The following ATAD2 variants were observed in gnomAD, a reference collection of about 807,000 sequenced individuals.
The protein encoded by ATAD2 is ATPase family AAA domain-containing protein 2.
ATAD2 carries 62 observed loss-of-function variants against 168.9 expected under a neutral mutation model. The observed-to-expected ratio is 0.37, with a 90% CI of 0.30 to 0.45. The LOEUF (loss-of-function observed/expected upper bound fraction) is 0.45, where lower values mean the gene tolerates loss of function less well. ATAD2 is among the 20% of genes least tolerant of loss of function. The pLI is 1.00. For missense variants in ATAD2, 1,419 were observed against 1,667.8 expected (o/e 0.85, Z 2.60); for synonymous variants, 613 against 571.6 (o/e 1.07, Z -1.03).
chr8:123,334,075 T>C (rs534015097), intron 23 of ATAD2, 54 bp from the exon 24 acceptor site: 4 of 1,582,858 alleles, frequency 2.5e-6, no homozygotes, highest in Non-Finnish European at 3.4e-6. Flanking sequence ...CAAAATTACA[T>C]GAAGGATTAA....
At chr8:123,334,846 GATTGCTTGA>G (rs1679280265) in intron 22 of ATAD2, among the ~76,000 whole-genome samples, 1 of 152,196 alleles carries the variant, frequency 6.6e-6, no homozygotes, top group African/African-American at 2.4e-5. Context: ...GTGAATGCAG[GATTGCTTGA>G]GCCACATCAA....
intron 1 of ATAD2, among the ~76,000 whole-genome samples, chr8:123,381,765 G>A (rs1829500797): frequency 6.6e-6 from 1 of 152,144 alleles, no homozygotes. Context: ...ATAGGGCCAG[G>A]CACTGTTGCT....
chr8:123,360,555 C>A (rs1828783538), intron 9 of ATAD2, among the ~76,000 whole-genome samples: 1 of 152,094 alleles, frequency 6.6e-6, no homozygotes, highest in South Asian at 2.1e-4. Flanking sequence ...GCTGGACAGG[C>A]TGGAAGTTCC....
intron 1 of ATAD2, among the ~76,000 whole-genome samples, chr8:123,381,972 G>C (rs1003976944): frequency 6.6e-6 from 1 of 152,134 alleles, no homozygotes; most frequent in Non-Finnish European, 1.5e-5. Context: ...CTTGAACCTA[G>C]GAGGTGGAGG....
chr8:123,354,864 A>AAAAAAAAAATAT (rs1554644338), intron 13 of ATAD2, among the ~76,000 whole-genome samples: 3 of 64,714 alleles, frequency 4.6e-5, no homozygotes, highest in African/African-American at 2.6e-4. Flanking sequence ...AAAAAAAAAA[A>AAAAAAAAAATAT]ATATATATAT....
At chr8:123,396,557 C>A (rs1367610997), upstream of ATAD2, 25 of 579,964 alleles carry the variant, frequency 4.3e-5, no homozygotes, top group Non-Finnish European at 3.8e-5. Context: ...ACTCTCCTCC[C>A]ATTTGTAGAG....
chr8:123,343,328 A>G (rs970604524), intron 19 of ATAD2, among the ~76,000 whole-genome samples: 10 of 151,976 alleles, frequency 6.6e-5, no homozygotes, highest in Admixed American at 2.6e-4. Context: ...ACTGTAACCT[A>G]CCCATACTCT....
intron 8 of ATAD2, among the ~76,000 whole-genome samples, chr8:123,367,450 C>T (rs528572406): frequency 6.6e-6 from 1 of 152,166 alleles, no homozygotes; most frequent in East Asian, 1.9e-4. Context: ...AATAAGATCC[C>T]AAAGTAGCTG....
At chr8:123,395,799 T>C (rs942508768) in intron 1 of ATAD2, among the ~76,000 whole-genome samples, 1 of 151,806 alleles carries the variant, frequency 6.6e-6, no homozygotes, top group Non-Finnish European at 1.5e-5. Context: ...CAGAAAGCAG[T>C]CAGGGGATGC....
intron 3 of ATAD2, 125 bp from the exon 4 acceptor site, chr8:123,371,960 A>T: frequency 9.7e-7 from 1 of 1,025,700 alleles, no homozygotes; most frequent in Non-Finnish European, 1.3e-6. Context: ...TCTTAAACTT[A>T]GCTTTCTTAA....
At chr8:123,355,468 C>G (rs569303508) in intron 13 of ATAD2, among the ~76,000 whole-genome samples, 1 of 152,128 alleles carries the variant, frequency 6.6e-6, no homozygotes, top group Admixed American at 6.5e-5. Context: ...GGGACAATAG[C>G]ACTTGTAAAA....
rs2129886907 is a variant in ATAD2, at chr8:123,384,629, C to A, written c.172-3952G>T. Among the ~76,000 whole-genome samples the A allele has an allele frequency of 1.3e-5, 2 of 152,308 alleles. 1 individual carries two copies. The highest frequency in any genetic ancestry group is 4.1e-4 in the South Asian group (2 of 4,828). The stretch of plus-strand genomic sequence containing the variant: ...TAAGCACCCATGTGCCAGGCCCATG[C>A]AAGGCATTTTCAAGAGAACACTGTC... On this transcript the variant is annotated intron_variant, in intron 1 of 27. Transcript: ENST00000287394.
upstream of ATAD2, among the ~76,000 whole-genome samples, chr8:123,399,849 C>T (rs972196679): frequency 1.4e-5 from 2 of 146,542 alleles, no homozygotes; most frequent in Non-Finnish European, 3.0e-5. Context: ...AGCGAAACTC[C>T]ATCTCAAAAA....
chr8:123,401,090 C>G, upstream of ATAD2: 3 of 1,544,684 alleles, frequency 1.9e-6, no homozygotes, highest in Non-Finnish European at 2.7e-6. Context: ...AAGGACCACA[C>G]CACCCTCCTC....
rs532031827 is a variant in ATAD2 at position 123,370,995 on chromosome 8, A to C, written c.640-5T>G. Reference sequence around the variant, plus strand: ...TGTGTACATATTAAGATTGCTCTAAAAATGTTTAAATAAAAGCCATTAACA... The same window carrying C: ...TGTGTACATATTAAGATTGCTCTAACAATGTTTAAATAAAAGCCATTAACA... On this transcript the variant is annotated splice_polypyrimidine_tract_variant and splice_region_variant and intron_variant, in intron 5 of 27. Coordinates refer to ENST00000287394, the MANE Select transcript of ATAD2 (RefSeq NM_014109.4). The C allele has an allele frequency of 6.4e-7, 1 of 1,554,140 alleles. No homozygotes were observed. Among genetic ancestry groups the C allele is most frequent in the East Asian group, 2.3e-5 (1 of 44,158 alleles).
chr8:123,349,704 A>G (rs1054745808), intron 13 of ATAD2, among the ~76,000 whole-genome samples: 3 of 152,018 alleles, frequency 2.0e-5, no homozygotes, highest in African/African-American at 4.8e-5. Flanking sequence ...GCATAATTTC[A>G]CAAAGGAACT....
At chr8:123,383,244 A>T (rs1829543280) in intron 1 of ATAD2, among the ~76,000 whole-genome samples, 1 of 152,170 alleles carries the variant, frequency 6.6e-6, no homozygotes, top group South Asian at 2.1e-4. Flanking sequence ...TACCTAACGT[A>T]GATGACAGGT....
At chr8:123,330,696 A>G (rs1382234380) in intron 24 of ATAD2, among the ~76,000 whole-genome samples, 1 of 151,904 alleles carries the variant, frequency 6.6e-6, no homozygotes, top group African/African-American at 2.4e-5. Context: ...ACCTCTTTCT[A>G]AAATTATCAA....
chr8:123,397,837 G>C (rs1487976824), upstream of ATAD2, among the ~76,000 whole-genome samples: 6 of 152,034 alleles, frequency 3.9e-5, no homozygotes, highest in African/African-American at 1.5e-4. Flanking sequence ...TTTAAAATAG[G>C]GTGATTAGGG....
Sources: gnomAD v4.1 joint callset for allele counts (sites outside exome capture counted in the v4.1 genomes callset) on GRCh38, gnomAD v4.1.1 for gene constraint, MANE v1.5 for transcripts, NCBI Gene and HGNC (gene_info 2026-07-23, HGNC 2026-07-21) for gene names.